DNM3: variants seen among roughly 807,000 people sequenced by gnomAD.
DNM3 encodes dynamin-3.
DNM3 carries 47 observed loss-of-function variants against 101.6 expected under a neutral mutation model. The observed-to-expected ratio is 0.46, with a 90% CI of 0.37 to 0.59. The LOEUF is 0.59. Among genes scored for constraint, DNM3 ranks in the 20% least tolerant of loss-of-function variants. The pLI is 0.00. For missense variants in DNM3, 849 were observed against 1,085.7 expected, an observed-to-expected ratio of 0.78 and a Z score of 3.06; for synonymous variants, 385 against 387.9, an observed-to-expected ratio of 0.99 and a Z score of 0.09.
chr1:171,902,937 T>C (rs1386104611), intron 1 of DNM3, among the ~76,000 whole-genome samples: 1 of 152,080 alleles, frequency 6.6e-6, no homozygotes, highest in Non-Finnish European at 1.5e-5. Flanking sequence ...AAGATCGCTT[T>C]AGTCCATGAG....
At chr1:172,361,829 T>G (rs1468874544) in intron 17 of DNM3, among the ~76,000 whole-genome samples, 1 of 151,988 alleles carries the variant, frequency 6.6e-6, no homozygotes, top group African/African-American at 2.4e-5. Context: ...CAGTGCTAGG[T>G]CTTTATGCTT....
intron 4 of DNM3, among the ~76,000 whole-genome samples, chr1:172,008,003 C>A (rs573193792): frequency 1.3e-5 from 2 of 151,984 alleles, no homozygotes; most frequent in Admixed American, 6.6e-5. Flanking sequence ...TGTACGTCTT[C>A]TTTTGAGAAA....
intron 10 of DNM3, among the ~76,000 whole-genome samples, chr1:172,059,045 C>T (rs2125903497): frequency 6.6e-6 from 1 of 152,022 alleles, no homozygotes; most frequent in East Asian, 1.9e-4. Context: ...TAAAAACTAC[C>T]ATCAGAGAAT....
intron 16 of DNM3, chr1:172,310,335 C>T (rs1424348812): frequency 1.3e-5 from 2 of 152,084 alleles, no homozygotes; most frequent in Non-Finnish European, 2.9e-5. Context: ...TGCTTTTTGC[C>T]AGCTGCCATT....
intron 1 of DNM3, among the ~76,000 whole-genome samples, chr1:171,908,269 C>T (rs775282896): frequency 6.6e-5 from 10 of 152,288 alleles, no homozygotes; most frequent in Non-Finnish European, 1.3e-4. Context: ...TTCTTGAAAA[C>T]ATACACTGCA....
chr1:171,894,936 C>T (rs929879166), intron 1 of DNM3, among the ~76,000 whole-genome samples: 6 of 152,148 alleles, frequency 3.9e-5, no homozygotes, highest in Admixed American at 6.5e-5. Flanking sequence ...TGGTTTCCAG[C>T]TTTATCTATG....
At chr1:172,030,852 A>T (rs1045971934) in intron 4 of DNM3, among the ~76,000 whole-genome samples, 1 of 152,224 alleles carries the variant, frequency 6.6e-6, no homozygotes, top group African/African-American at 2.4e-5. Flanking sequence ...CCACAATGAG[A>T]TACCATCTCA....
intron 13 of DNM3, 28 bp from the exon 14 acceptor site, chr1:172,131,147 A>G (rs764993997): frequency 6.2e-7 from 1 of 1,602,994 alleles, no homozygotes; most frequent in Non-Finnish European, 8.5e-7. Context: ...TAAACTAAAC[A>G]CCTCTGCTGA....
intron 4 of DNM3, among the ~76,000 whole-genome samples, chr1:172,001,258 T>G (rs1240546488): frequency 6.6e-6 from 1 of 152,088 alleles, no homozygotes; most frequent in Non-Finnish European, 1.5e-5. Context: ...TGGTAAGTTC[T>G]AATGATTGTA....
chr1:172,200,098 C>A (rs150906695), intron 14 of DNM3, among the ~76,000 whole-genome samples: 11 of 152,252 alleles, frequency 7.2e-5, no homozygotes, highest in African/African-American at 2.4e-4. Flanking sequence ...TAAGGCAGAT[C>A]TGGTGGTAAT....
At chr1:172,053,703 C>A (rs1018111683) in intron 10 of DNM3, among the ~76,000 whole-genome samples, 1 of 152,092 alleles carries the variant, frequency 6.6e-6, no homozygotes, top group East Asian at 1.9e-4. Flanking sequence ...GTATTTTAGC[C>A]ATTCCTTTTA....
At chr1:172,383,273 A>G (rs1192816095) in intron 18 of DNM3, among the ~76,000 whole-genome samples, 2 of 152,120 alleles carry the variant, frequency 1.3e-5, no homozygotes, top group East Asian at 1.9e-4. Flanking sequence ...ATCATATACT[A>G]TACGCCTTTT....
intron 2 of DNM3, among the ~76,000 whole-genome samples, chr1:171,974,903 C>T (rs1470615961): frequency 6.6e-6 from 1 of 151,238 alleles, no homozygotes; most frequent in Non-Finnish European, 1.5e-5. Context: ...GGTCTGTCAC[C>T]CAGGCTGGAG....
At chr1:172,198,690 T>C (rs1454514927) in intron 14 of DNM3, among the ~76,000 whole-genome samples, 2 of 152,102 alleles carry the variant, frequency 1.3e-5, no homozygotes, top group African/African-American at 4.8e-5. Flanking sequence ...GTTTCCTAGT[T>C]TTTGTGCATA....
chr1:171,901,196 C>T (rs2038318935), intron 1 of DNM3, among the ~76,000 whole-genome samples: 1 of 151,386 alleles, frequency 6.6e-6, no homozygotes, highest in Non-Finnish European at 1.5e-5. Flanking sequence ...CCCCACCTGC[C>T]GGAATTGAGA....
chr1:172,024,399 A>G (rs1014587126), intron 4 of DNM3, among the ~76,000 whole-genome samples: 2 of 152,254 alleles, frequency 1.3e-5, no homozygotes, highest in Admixed American at 6.5e-5. Flanking sequence ...TATATATCCT[A>G]TTCAAAAATC....
At chr1:172,317,016 A>G (rs1042928891) in intron 16 of DNM3, among the ~76,000 whole-genome samples, 2 of 152,212 alleles carry the variant, frequency 1.3e-5, no homozygotes, top group African/African-American at 4.8e-5. Context: ...AAATTAAAAG[A>G]ACAGAAGTTA....
chr1:171,876,592 C>A (rs2035806204), intron 1 of DNM3, among the ~76,000 whole-genome samples: 1 of 152,162 alleles, frequency 6.6e-6, no homozygotes, highest in South Asian at 2.1e-4. Flanking sequence ...TTCTTCCAGG[C>A]TAACCTCCAA....
intron 14 of DNM3, among the ~76,000 whole-genome samples, chr1:172,191,860 T>C (rs1174443301): frequency 6.6e-6 from 1 of 152,198 alleles, no homozygotes; most frequent in Non-Finnish European, 1.5e-5. Context: ...TTTTGCACGT[T>C]GATTTTGTAT....
Sources: gnomAD v4.1 joint callset for allele counts (sites outside exome capture counted in the v4.1 genomes callset) on GRCh38, gnomAD v4.1.1 for gene constraint, MANE v1.5 for transcripts, NCBI Gene and HGNC (gene_info 2026-07-23, HGNC 2026-07-21) for gene names.